CDH4: variants seen among roughly 807,000 people sequenced by gnomAD.
CDH4 encodes the protein cadherin-4.
CDH4 carries 33 observed loss-of-function variants against 86.0 expected under a neutral mutation model. The observed-to-expected ratio is 0.38, with a 90% CI of 0.29 to 0.51. The LOEUF (loss-of-function observed/expected upper bound fraction) is 0.51. Among genes scored for constraint, CDH4 ranks in the 20% least tolerant of loss-of-function variants. The pLI, the probability that CDH4 is intolerant of heterozygous loss-of-function variation, is 0.86. For missense variants in CDH4, 1,114 were observed against 1,307.4 expected (o/e 0.85, Z 2.28); for synonymous variants, 555 against 549.4 (o/e 1.01, Z -0.14).
intron 2 of CDH4, among the ~76,000 whole-genome samples, chr20:61,262,682 A>G (rs2084134126): frequency 1.3e-5 from 2 of 152,076 alleles, no homozygotes; most frequent in African/African-American, 2.4e-5. Flanking sequence ...CAAAATGTGG[A>G]AATTTTGTGA....
chr20:61,737,533 G>T (rs151153061), intron 2 of CDH4, among the ~76,000 whole-genome samples: 1 of 152,292 alleles, frequency 6.6e-6, no homozygotes, highest in South Asian at 2.1e-4. Flanking sequence ...CATCCATGCT[G>T]TCATCACCTG....
chr20:61,603,820 A>T (rs1257673609), intron 2 of CDH4, among the ~76,000 whole-genome samples: 1 of 152,212 alleles, frequency 6.6e-6, no homozygotes, highest in East Asian at 1.9e-4. Context: ...CCTTTTGAGT[A>T]CTAAATGAGA....
In CDH4 at chr20:61,893,862, G is replaced by A. The variant is rs115863685; in HGVS notation, c.1051-1048G>A. On this transcript the variant is annotated intron_variant, in intron 7 of 15. Transcript: ENST00000614565. ...GGGTGGCTGGGTGGATGGATGGATG[G>A]ATGGATGGGTGATGGTTGGAAAGAG... 5.0e-3 allele frequency among the ~76,000 whole-genome samples: 723 copies of A among 145,316 alleles called. 30 individuals carry two copies. Among genetic ancestry groups the A allele is most frequent in the African/African-American group, 0.014 (512 of 36,824 alleles).
intron 4 of CDH4, among the ~76,000 whole-genome samples, chr20:61,788,024 T>C (rs1279001864): frequency 6.6e-6 from 1 of 152,040 alleles, no homozygotes; most frequent in South Asian, 2.1e-4. Flanking sequence ...GTGGCATAAA[T>C]TGATTTACCA....
At chr20:61,338,649 A>G in intron 2 of CDH4, among the ~76,000 whole-genome samples, 1 of 152,140 alleles carries the variant, frequency 6.6e-6, no homozygotes, top group Non-Finnish European at 1.5e-5. Flanking sequence ...CTGACTGACC[A>G]TTACTGTTTA....
intron 2 of CDH4, among the ~76,000 whole-genome samples, chr20:61,382,693 G>A (rs577874027): frequency 3.9e-4 from 60 of 152,248 alleles, no homozygotes; most frequent in African/African-American, 1.2e-3. Context: ...AGCCTTGGGC[G>A]GCCATGTCAT....
Position 61,807,643 on chromosome 20 carries a change from C to T in CDH4, c.576+34461C>T, listed in dbSNP as rs1423078746. 2.0e-5 allele frequency among the ~76,000 whole-genome samples: 3 copies of T among 152,064 alleles called. No individual in the cohort carries two copies. The highest frequency in any genetic ancestry group is 3.9e-4 in the East Asian group (2 of 5,172). ...CACAGAGTGGTGGCCAAATAGCATT[C>T]GGGGAGGTAAACAGAAGATTGTGAG... On this transcript the variant is annotated intron_variant, in intron 4 of 15. Transcript: ENST00000614565. The surrounding 1 kb of genome is among the most constrained non-coding windows in gnomAD (Gnocchi z 4.5).
chr20:61,400,652 T>G (rs761463446), intron 2 of CDH4, among the ~76,000 whole-genome samples: 1 of 152,222 alleles, frequency 6.6e-6, no homozygotes. Flanking sequence ...CCTTAGTCAC[T>G]GCTGTGGGAT....
chr20:61,282,233 T>C (rs951593171), intron 2 of CDH4, among the ~76,000 whole-genome samples: 1 of 152,146 alleles, frequency 6.6e-6, no homozygotes, highest in Non-Finnish European at 1.5e-5. Flanking sequence ...ATGGTGTGCA[T>C]CTGTAATCCC....
At chr20:61,585,858 GTGA>G (rs1568698489) in intron 2 of CDH4, among the ~76,000 whole-genome samples, 1 of 150,066 alleles carries the variant, frequency 6.7e-6, no homozygotes, top group Non-Finnish European at 1.5e-5. Context: ...GAGGATAATG[GTGA>G]TGAAGATGAT....
intron 2 of CDH4, among the ~76,000 whole-genome samples, chr20:61,443,093 T>C (rs2085322845): frequency 1.3e-5 from 2 of 152,182 alleles, no homozygotes; most frequent in South Asian, 4.1e-4. Context: ...ACACTTTTCA[T>C]TTGTTTGTTG....
chr20:61,333,913 C>A (rs966935221), intron 2 of CDH4, among the ~76,000 whole-genome samples: 4 of 152,210 alleles, frequency 2.6e-5, no homozygotes, highest in Non-Finnish European at 5.9e-5. Flanking sequence ...ACCAGGGGCA[C>A]CATGAGGTGA....
chr20:61,512,127 A>G (rs1294018778), intron 2 of CDH4, among the ~76,000 whole-genome samples: 1 of 152,174 alleles, frequency 6.6e-6, no homozygotes, highest in Non-Finnish European at 1.5e-5. Context: ...GATGCTGAGT[A>G]GTAAACTGGG....
intron 2 of CDH4, among the ~76,000 whole-genome samples, chr20:61,308,620 C>T (rs550047088): frequency 1.3e-4 from 20 of 152,168 alleles, no homozygotes; most frequent in Non-Finnish European, 2.2e-4. Flanking sequence ...TGAGGAGCAC[C>T]GGGGCTTACT....
In CDH4 at chr20:61,303,261, G is replaced by A. The variant is rs114820249; in HGVS notation, c.169+48324G>A. On this transcript the variant is annotated intron_variant, in intron 2 of 15. Coordinates refer to ENST00000614565, the MANE Select transcript of CDH4 (RefSeq NM_001794.5). ...TGAGGATGGGCGAGATGGTGAATGT[G>A]TCACCAGCCTGGGTCAAGGAGGGCG... Among the ~76,000 whole-genome samples, 1,394 of 152,308 alleles carry A rather than the reference G, an allele frequency of 9.2e-3. 26 individuals carry two copies. Among genetic ancestry groups the A allele is most frequent in the African/African-American group, 0.032 (1,334 of 41,558 alleles).
At chr20:61,909,895 G>A (rs1361219471) in intron 8 of CDH4, among the ~76,000 whole-genome samples, 1 of 152,248 alleles carries the variant, frequency 6.6e-6, no homozygotes, top group Admixed American at 6.5e-5. Context: ...AAGGGGTCTG[G>A]GGTGGGGACT....
At chr20:61,328,449 A>G (rs1001833072) in intron 2 of CDH4, among the ~76,000 whole-genome samples, 2 of 152,200 alleles carry the variant, frequency 1.3e-5, no homozygotes, top group Non-Finnish European at 2.9e-5. Context: ...TGCTGGGATT[A>G]CAGGCGTGAG....
At chr20:61,639,552 A>C in intron 2 of CDH4, among the ~76,000 whole-genome samples, 1 of 152,216 alleles carries the variant, frequency 6.6e-6, no homozygotes, top group East Asian at 1.9e-4. Flanking sequence ...ACTTGATGAA[A>C]GCCTTGCCTA....
chr20:61,795,829 G>GAGTGAATGAATGAATC lies in CDH4; in HGVS notation c.576+22662_576+22663insCAGTGAATGAATGAAT, dbSNP rs1353734087. On this transcript the variant is annotated intron_variant, in intron 4 of 15. Coordinates refer to ENST00000614565, the MANE Select transcript of CDH4 (RefSeq NM_001794.5). ...GCCTGGGACAGAAGCAATGTTGCAT[G>GAGTGAATGAATGAATC]AGTGAATGAATGAATGAGTGAATGA... Among the ~76,000 whole-genome samples, 9 of 152,338 alleles carry GAGTGAATGAATGAATC rather than the reference G, an allele frequency of 5.9e-5. 1 individual carries two copies. The highest frequency in any genetic ancestry group is 1.9e-4 in the East Asian group (1 of 5,172).
Sources: allele counts gnomAD v4.1 joint callset (sites outside exome capture counted in the v4.1 genomes callset), GRCh38; gene constraint gnomAD v4.1.1; non-coding constraint Gnocchi (gnomAD v3.1); transcripts MANE v1.5; gene names NCBI Gene and HGNC (gene_info 2026-07-23, HGNC 2026-07-21).